HPS3: variants seen among roughly 807,000 people sequenced by gnomAD.
HPS3 encodes the protein BLOC-2 complex member HPS3.
Under a neutral mutation model 110.9 loss-of-function variants are expected in HPS3, and 79 were observed. The ratio of observed to expected loss-of-function variants is 0.71; its 90% CI spans 0.59 to 0.86. The LOEUF (loss-of-function observed/expected upper bound fraction) is 0.86. HPS3 is among the 40% of genes least tolerant of loss of function. The probability of loss-of-function intolerance (pLI) is 0.00; values close to 1 mark genes in which losing one functional copy is unlikely to be tolerated. For missense variants in HPS3, 1,197 were observed against 1,206.2 expected, an observed-to-expected ratio of 0.99 and a Z score of 0.11; for synonymous variants, 428 against 451.0, an observed-to-expected ratio of 0.95 and a Z score of 0.65.
At chr3:149,144,214 GAAA>G (rs59146279) in intron 4 of HPS3, among the ~76,000 whole-genome samples, 4 of 123,626 alleles carry the variant, frequency 3.2e-5, no homozygotes, top group African/African-American at 6.0e-5. Context: ...GTCTCTACTA[GAAA>G]AAAAAAAAAA....
Position 149,158,835 on chromosome 3 carries a change from G to A in HPS3, c.1861G>A (p.Glu621Lys). The A allele has an allele frequency of 6.3e-7, 1 of 1,575,334 alleles. No individual in the cohort carries two copies. Among genetic ancestry groups the A allele is most frequent in the Non-Finnish European group, 8.7e-7 (1 of 1,145,164 alleles). The change falls in exon 10 of 17, where the codon GAA becomes AAA. Residue 621 changes from glutamate to lysine, a missense_variant. Physicochemically the swap from Glu to Lys is moderately conservative, Grantham distance 56. Transcript: ENST00000296051. Reference sequence around the variant, plus strand: ...TTCACTTTATGAAAACCTGGATGAAGAATTAAATGAAGTGATTATAGTTTT... The same window carrying A: ...TTCACTTTATGAAAACCTGGATGAAAAATTAAATGAAGTGATTATAGTTTT... ...NHSLYENLDE[E>K]LNEELAAKVV...
rs1723050006 is a variant in HPS3 at position 149,150,689 on chromosome 3, T to G, written c.1245+9T>G. The G allele has an allele frequency of 6.2e-7, 1 of 1,606,950 alleles. No homozygotes were observed. Among genetic ancestry groups the G allele is most frequent in the African/African-American group, 1.3e-5 (1 of 74,780 alleles). ...TGGACACCACCCTGAAGGTAAGAAC[T>G]GGCTTATGAAGATAGTGAAACCTTA... On this transcript the variant is annotated intron_variant, in intron 6 of 16. Transcript: ENST00000296051.
intron 1 of HPS3, among the ~76,000 whole-genome samples, chr3:149,132,922 T>G (rs1296422424): frequency 6.6e-6 from 1 of 152,126 alleles, no homozygotes; most frequent in Non-Finnish European, 1.5e-5. Flanking sequence ...TAACAGTAGA[T>G]GTAGTGGAAA....
In HPS3 at chr3:149,163,868, A is replaced by T; in HGVS notation, c.2508A>T (p.Leu836Phe). The T allele has an allele frequency of 6.4e-7, 1 of 1,573,204 alleles. No individual in the cohort carries two copies. Among genetic ancestry groups the T allele is most frequent in the Non-Finnish European group, 8.8e-7 (1 of 1,142,664 alleles). The change falls in exon 14 of 17, where the codon TTA becomes TTT. Residue 836 changes from leucine (L) to phenylalanine (F), a missense_variant. Transcript: ENST00000296051. The stretch of plus-strand genomic sequence containing the variant: ...TAAATGCCTGTAGTCATTATGGCTT[A>T]ATTTATCCATGGGTTCACGTCGTAA... ...DLINACSHYG[L>F]IYPWVHVVIS...
Position 149,149,991 on chromosome 3 carries a change from G to A in HPS3, c.1164-608G>A, listed in dbSNP as rs185908221. On this transcript the variant is annotated intron_variant, in intron 5 of 16. Transcript: ENST00000296051. ...GATCTAATTGGCTCTACTCTCCAGA[G>A]AGGCGGTGGACCAGTCATGAACCTT... 7.9e-5 allele frequency among the ~76,000 whole-genome samples: 12 copies of A among 152,278 alleles called. No individual in the cohort carries two copies. In the East Asian group the frequency reaches 2.3e-3, roughly 29 times the overall value.
At chr3:149,136,893 TTAAA>T (rs932929501) in intron 1 of HPS3, among the ~76,000 whole-genome samples, 3 of 152,180 alleles carry the variant, frequency 2.0e-5, no homozygotes, top group Non-Finnish European at 4.4e-5. Flanking sequence ...TTTATTGTAA[TTAAA>T]TATTCTTAGT....
intron 7 of HPS3, 141 bp downstream of exon 7, chr3:149,153,789 A>AAAG (rs1333445932): frequency 3.5e-6 from 3 of 850,526 alleles, no homozygotes; most frequent in Non-Finnish European, 5.8e-6. Flanking sequence ...CAGAGAAAGA[A>AAAG]AAGAAGGTTC....
chr3:149,145,853 C>T lies in HPS3; in HGVS notation c.1163+307C>T, dbSNP rs931746616. On this transcript the variant is annotated intron_variant, in intron 5 of 16. Coordinates refer to ENST00000296051, the MANE Select transcript of HPS3 (RefSeq NM_032383.5). ...GAAAAGTCAATGCAGCCAGTCAGAG[C>T]GTCTCTTTAAGTTTCTTTTTAGATT... Among the ~76,000 whole-genome samples the T allele has an allele frequency of 6.4e-4, 97 of 152,116 alleles. 6 individuals carry two copies. The highest frequency in any genetic ancestry group is 1.9e-4 in the East Asian group (1 of 5,198).
chr3:149,154,148 T>C (rs547242808), intron 7 of HPS3: 1 of 155,700 alleles, frequency 6.4e-6, no homozygotes, highest in Non-Finnish European at 1.4e-5. Context: ...TCATCTCTTG[T>C]TATTTATTAG....
At chr3:149,157,621 T>C in intron 9 of HPS3, 90 bp downstream of exon 9, 1 of 1,168,004 alleles carries the variant, frequency 8.6e-7, no homozygotes, top group Non-Finnish European at 1.3e-6. Flanking sequence ...AGTTACCTGA[T>C]AAATGGGAAG....
chr3:149,153,571 T>C lies in HPS3; in HGVS notation c.1323T>C (p.Phe441=), dbSNP rs986828483. 1.9e-6 allele frequency: 3 copies of C among 1,614,034 alleles called. No homozygotes were observed. In the African/African-American group the frequency reaches 4.0e-5, roughly 22 times the overall value. ...TAGGCTTGAAAGCCATCTGTCACTT[T>C]AAAAACCACATCATACTTTTGACTA... ...LFIGLKAICH[F]KNHIILLTKA... is the part of the protein sequence containing the mutation. Residue 441 remains phenylalanine (F), a synonymous_variant, in exon 7 of 17, where the codon TTT becomes TTC. Coordinates refer to ENST00000296051, the MANE Select transcript of HPS3 (RefSeq NM_032383.5).
intron 8 of HPS3, among the ~76,000 whole-genome samples, chr3:149,155,690 A>G (rs2108156080): frequency 6.6e-6 from 1 of 152,294 alleles, no homozygotes; most frequent in South Asian, 2.1e-4. Context: ...TAAGAGTGAC[A>G]GCTTCCTACT....
In HPS3 at chr3:149,140,093, C is replaced by A; in HGVS notation, c.307C>A (p.Arg103Ser). ...NWRNKRTENS[R>S]VCIRMIGHNV... Reference sequence around the variant, plus strand: ...GAGAAATAAAAGGACTGAAAACTCTCGTGTGTGTATCCGAATGATTGGGCA... The same window carrying A: ...GAGAAATAAAAGGACTGAAAACTCTAGTGTGTGTATCCGAATGATTGGGCA... The change falls in exon 2 of 17, where the codon CGT becomes AGT. Residue 103 changes from arginine (R) to serine (S), a missense_variant. Arg to Ser is a moderately radical substitution (Grantham distance 110). Transcript: ENST00000296051. 1.2e-6 allele frequency: 2 copies of A among 1,613,104 alleles called. No homozygotes were observed. Among genetic ancestry groups the A allele is most frequent in the South Asian group, 1.1e-5 (1 of 90,896 alleles).
intron 12 of HPS3, 153 bp downstream of exon 12, chr3:149,162,486 G>T (rs1458207912): frequency 2.3e-6 from 2 of 885,922 alleles, no homozygotes; most frequent in East Asian, 2.6e-5. Flanking sequence ...CTAATTAAAA[G>T]ACTATATCTG....
intron 1 of HPS3, among the ~76,000 whole-genome samples, chr3:149,139,557 T>G (rs1722305339): frequency 6.6e-6 from 1 of 152,214 alleles, no homozygotes; most frequent in African/African-American, 2.4e-5. Flanking sequence ...ATTTCCAACT[T>G]TATCCTGTTT....
chr3:149,148,292 GA>G, intron 5 of HPS3, among the ~76,000 whole-genome samples: 1 of 150,916 alleles, frequency 6.6e-6, no homozygotes, highest in South Asian at 2.1e-4. Context: ...ATTTTTTTAA[GA>G]AGCAAAGAAC....
chr3:149,152,930 G>A (rs1160156890), intron 6 of HPS3, among the ~76,000 whole-genome samples: 1 of 152,170 alleles, frequency 6.6e-6, no homozygotes, highest in African/African-American at 2.4e-5. Context: ...CAGCCTGTCC[G>A]CCATTCCAGG....
At chr3:149,142,831 G>A (rs1576669237) in intron 4 of HPS3, among the ~76,000 whole-genome samples, 1 of 152,276 alleles carries the variant, frequency 6.6e-6, no homozygotes, top group East Asian at 1.9e-4. Flanking sequence ...TGAGTGATCT[G>A]TGGTAAACCT....
Position 149,139,173 on chromosome 3 carries a change from G to A in HPS3, c.218-831G>A, listed in dbSNP as rs183540905. Among the ~76,000 whole-genome samples the A allele has an allele frequency of 2.3e-4, 35 of 152,304 alleles. 1 individual carries two copies. Among genetic ancestry groups the A allele is most frequent in the African/African-American group, 8.4e-4 (35 of 41,566 alleles). On this transcript the variant is annotated intron_variant, in intron 1 of 16. Transcript: ENST00000296051. ...AAATTATGCGTATGTATGTACATATGGGATGTTGAACATATTGAAAAGGAT... is the reference window on the plus strand; with the variant it reads ...AAATTATGCGTATGTATGTACATATAGGATGTTGAACATATTGAAAAGGAT...
Sources: allele counts gnomAD v4.1 joint callset (sites outside exome capture counted in the v4.1 genomes callset), GRCh38; gene constraint gnomAD v4.1.1; transcripts MANE v1.5; gene names NCBI Gene and HGNC (gene_info 2026-07-23, HGNC 2026-07-21).